Variants in GAD2 observed in about 807,000 individuals in gnomAD.
GAD2 encodes the protein glutamate decarboxylase 2, also known as 65 kDa glutamic acid decarboxylase.
GAD2 carries 22 observed loss-of-function variants against 80.1 expected under a neutral mutation model. The ratio of observed to expected loss-of-function variants is 0.27; its 90% CI spans 0.20 to 0.39. The LOEUF (loss-of-function observed/expected upper bound fraction) is 0.39. Ranked by LOEUF, GAD2 falls within the 10% of genes least tolerant of loss-of-function variation. The pLI is 1.00. For missense variants in GAD2, 624 were observed against 738.4 expected (o/e 0.85, Z 1.80); for synonymous variants, 274 against 256.9 (o/e 1.07, Z -0.64).
intron 4 of GAD2, among the ~76,000 whole-genome samples, chr10:26,220,607 C>G (rs1844440169): frequency 6.6e-6 from 1 of 152,146 alleles, no homozygotes; most frequent in African/African-American, 2.4e-5. Context: ...TAAAAATTTT[C>G]CTACCCCTCC....
rs1845102810 is a variant in GAD2 at position 26,268,997 on chromosome 10, G to T, written c.921-122G>T. On this transcript the variant is annotated intron_variant, in intron 8 of 15. Transcript: ENST00000376261. ...CCTTCCTGGAAGCAGTCAAGGAGTT[G>T]TTTTCTCCGAGTATTGTTATCAACA... 4.8e-6 allele frequency: 3 copies of T among 623,134 alleles called. No homozygotes were observed. In the South Asian group the frequency reaches 7.7e-5, roughly 16 times the overall value. The allele number at this position is 623,134 out of a possible 1,614,324, so 38.6% of individuals were successfully genotyped here.
At chr10:26,286,260 A>T in intron 12 of GAD2, 85 bp from the exon 13 acceptor site, 1 of 1,219,662 alleles carries the variant, frequency 8.2e-7, no homozygotes, top group Non-Finnish European at 1.2e-6. Context: ...AATGTCTCTT[A>T]CTTCTTTTTT....
At chr10:26,268,464 T>C (rs1383544884) in intron 8 of GAD2, among the ~76,000 whole-genome samples, 1 of 123,778 alleles carries the variant, frequency 8.1e-6, no homozygotes, top group Non-Finnish European at 1.6e-5. Flanking sequence ...CCAGACTCTG[T>C]CTCAAAAAAA....
chr10:26,295,776 G>A (rs1347679614), intron 15 of GAD2, among the ~76,000 whole-genome samples: 2 of 152,164 alleles, frequency 1.3e-5, no homozygotes, highest in African/African-American at 4.8e-5. Flanking sequence ...ACAGAGTTCT[G>A]TTGGTCCAGG....
chr10:26,233,136 TGAG>T (rs2132278386), intron 7 of GAD2, among the ~76,000 whole-genome samples: 1 of 152,340 alleles, frequency 6.6e-6, no homozygotes, highest in East Asian at 1.9e-4. Flanking sequence ...ATTTTACAAA[TGAG>T]GAGGCTGAAA....
At chr10:26,224,060 G>A (rs1257887543) in intron 5 of GAD2, 83 bp downstream of exon 5, 15 of 1,009,588 alleles carry the variant, frequency 1.5e-5, no homozygotes, top group African/African-American at 1.4e-4. Flanking sequence ...GTGAAAATCT[G>A]TTTTTTATTA....
intron 7 of GAD2, among the ~76,000 whole-genome samples, chr10:26,232,007 A>T (rs570207284): frequency 5.3e-5 from 8 of 152,292 alleles, no homozygotes; most frequent in Admixed American, 3.9e-4. Context: ...AAAGTAACAT[A>T]TTCACGGTGT....
intron 6 of GAD2, among the ~76,000 whole-genome samples, chr10:26,227,494 T>C (rs1224187219): frequency 1.3e-5 from 2 of 152,196 alleles, no homozygotes; most frequent in Non-Finnish European, 2.9e-5. Flanking sequence ...GAAGAGCACT[T>C]TCTTAGGATA....
intron 11 of GAD2, among the ~76,000 whole-genome samples, chr10:26,276,850 C>T (rs1845213759): frequency 6.6e-6 from 1 of 152,204 alleles, no homozygotes; most frequent in Admixed American, 6.5e-5. Flanking sequence ...GCCCTGAGAG[C>T]CAGGTGTTCA....
At chr10:26,236,516 G>A (rs1339770717) in intron 7 of GAD2, among the ~76,000 whole-genome samples, 1 of 151,978 alleles carries the variant, frequency 6.6e-6, no homozygotes, top group Admixed American at 6.6e-5. Context: ...GGCCAGGCTG[G>A]GCTGGAACTT....
At chr10:26,250,510 AG>A (rs1225911650) in intron 8 of GAD2, among the ~76,000 whole-genome samples, 2 of 152,112 alleles carry the variant, frequency 1.3e-5, no homozygotes, top group Non-Finnish European at 2.9e-5. Flanking sequence ...TGAGGGAAGA[AG>A]GAGGGGTCGG....
chr10:26,221,254 TA>T (rs961629510), intron 4 of GAD2, among the ~76,000 whole-genome samples: 97 of 152,380 alleles, frequency 6.4e-4, no homozygotes, highest in African/African-American at 2.3e-3. Flanking sequence ...GATTATTTTA[TA>T]AAATGCATAT....
intron 6 of GAD2, among the ~76,000 whole-genome samples, chr10:26,226,668 T>C (rs1348132867): frequency 2.0e-5 from 3 of 152,208 alleles, no homozygotes; most frequent in Non-Finnish European, 4.4e-5. Context: ...ATCTTATGCA[T>C]CTGGGATCTA....
chr10:26,281,177 C>T (rs535858557), intron 12 of GAD2, 90 bp downstream of exon 12: 24 of 940,526 alleles, frequency 2.6e-5, no homozygotes, highest in African/African-American at 1.3e-4. Flanking sequence ...TCAAGATCAC[C>T]GGGTCTTCTC....
intron 7 of GAD2, among the ~76,000 whole-genome samples, chr10:26,232,175 T>C (rs558152058): frequency 3.9e-5 from 6 of 152,354 alleles, no homozygotes; most frequent in African/African-American, 1.4e-4. Context: ...TGAAATGGGT[T>C]TGGACCCCTA....
intron 7 of GAD2, among the ~76,000 whole-genome samples, chr10:26,243,243 AT>A (rs904117284): frequency 2.0e-5 from 3 of 152,092 alleles, no homozygotes; most frequent in Non-Finnish European, 4.4e-5. Flanking sequence ...GGTCTCCTTG[AT>A]TGGTCATCAT....
intron 8 of GAD2, among the ~76,000 whole-genome samples, chr10:26,259,952 C>T (rs1452476600): frequency 6.6e-6 from 1 of 152,066 alleles, no homozygotes; most frequent in African/African-American, 2.4e-5. Flanking sequence ...CCGGAAGCCA[C>T]ACATATTCAT....
At chr10:26,225,034 G>A (rs1282810036) in intron 6 of GAD2, among the ~76,000 whole-genome samples, 1 of 152,138 alleles carries the variant, frequency 6.6e-6, no homozygotes, top group African/African-American at 2.4e-5. Context: ...ATTTAATAAA[G>A]CATTTGCTGT....
At position 26,240,586 on chromosome 10, in the gene GAD2, G is replaced by A. The variant is rs185919735; in HGVS notation, c.841-5335G>A. ...ATCTGTATTAAAAATATGAAAATTA[G>A]CCAGGCATGGTGGCAGGTACCTGTA... On this transcript the variant is annotated intron_variant, in intron 7 of 15. Coordinates refer to ENST00000376261, the MANE Select transcript of GAD2 (RefSeq NM_001134366.2). Among the ~76,000 whole-genome samples the A allele has an allele frequency of 2.3e-3, 357 of 152,054 alleles. 1 individual carries two copies. Among genetic ancestry groups the A allele is most frequent in the African/African-American group, 8.3e-3 (343 of 41,458 alleles).
Sources: gnomAD v4.1 joint callset for allele counts (sites outside exome capture counted in the v4.1 genomes callset) on GRCh38, gnomAD v4.1.1 for gene constraint, MANE v1.5 for transcripts, NCBI Gene and HGNC (gene_info 2026-07-23, HGNC 2026-07-21) for gene names.